The following GUCY1B1 variants were observed in gnomAD, a reference collection of about 807,000 sequenced individuals.
GUCY1B1 encodes the protein guanylate cyclase 1 soluble subunit beta 1, also known as guanylate cyclase soluble subunit beta-1.
GUCY1B1 carries 43 observed loss-of-function variants against 71.0 expected under a neutral mutation model. The ratio of observed to expected loss-of-function variants is 0.61; its 90% CI spans 0.47 to 0.78. GUCY1B1 has a LOEUF of 0.78. GUCY1B1 is among the 30% of genes least tolerant of loss of function. GUCY1B1 has a pLI of 0.00. For synonymous variants in GUCY1B1, 266 were observed against 259.7 expected (o/e 1.02, Z -0.23); for missense variants, 535 against 754.1 (o/e 0.71, Z 3.40).
At chr4:155,794,118 A>G (rs1364237290) in intron 6 of GUCY1B1, 32 bp downstream of exon 6, 1 of 1,186,924 alleles carries the variant, frequency 8.4e-7, no homozygotes, top group Middle Eastern at 1.9e-4. Context: ...TTGGGGCCTG[A>G]GACAAAAGCC....
intron 2 of GUCY1B1, among the ~76,000 whole-genome samples, chr4:155,767,980 G>A (rs1010311310): frequency 5.3e-4 from 80 of 152,124 alleles, no homozygotes; most frequent in African/African-American, 1.9e-3. Context: ...TTATCAAAAC[G>A]ACACCTACGT....
intron 7 of GUCY1B1, 96 bp downstream of exon 7, chr4:155,795,553 G>A (rs1331198313): frequency 3.2e-6 from 2 of 626,694 alleles, no homozygotes; most frequent in East Asian, 2.8e-5. Flanking sequence ...AGAAAGTATA[G>A]AGAGATAAAA....
chr4:155,786,461 C>CTTTTTTTT (rs70954058), intron 4 of GUCY1B1, among the ~76,000 whole-genome samples: 12 of 37,156 alleles, frequency 3.2e-4, no homozygotes, highest in Non-Finnish European at 4.7e-4. Context: ...TTCTTTCTTT[C>CTTTTTTTT]TTTTTTTTTT....
At chr4:155,777,153 C>T (rs1738105788) in intron 3 of GUCY1B1, among the ~76,000 whole-genome samples, 1 of 152,172 alleles carries the variant, frequency 6.6e-6, no homozygotes, top group Non-Finnish European at 1.5e-5. Context: ...GACTGCAATC[C>T]ATTACACGAG....
At chr4:155,790,576 T>C (rs1354909997) in intron 5 of GUCY1B1, among the ~76,000 whole-genome samples, 1 of 152,222 alleles carries the variant, frequency 6.6e-6, no homozygotes, top group African/African-American at 2.4e-5. Flanking sequence ...GGCTGCTTTT[T>C]ATGTGTTCAG....
At chr4:155,780,071 ACT>A (rs951377739) in intron 4 of GUCY1B1, among the ~76,000 whole-genome samples, 1 of 151,370 alleles carries the variant, frequency 6.6e-6, no homozygotes, top group African/African-American at 2.4e-5. Context: ...CCATCCTATA[ACT>A]CTAGTGCTTT....
At chr4:155,805,830 G>A (rs1481900931) in intron 13 of GUCY1B1, among the ~76,000 whole-genome samples, 1 of 152,202 alleles carries the variant, frequency 6.6e-6, no homozygotes, top group Non-Finnish European at 1.5e-5. Context: ...CAGAGCCCAT[G>A]TGCTAGAATG....
Position 155,807,461 on chromosome 4 carries a change from T to A in GUCY1B1, c.*1052T>A, listed in dbSNP as rs1166694437. 6.6e-6 allele frequency: 1 copy of A among 152,196 alleles called. No homozygotes were observed. The highest frequency in any genetic ancestry group is 1.5e-5 in the Non-Finnish European group (1 of 68,034). The allele number at this position is 152,196 out of a possible 1,614,324, so 9.4% of individuals were successfully genotyped here. ...CTTATTAATATCTATCTTTATAAAA[T>A]AGAGTGCAACTACTTTTGTGTAAAA... is the stretch of plus-strand genomic sequence containing the variant. On this transcript the variant is annotated 3_prime_UTR_variant, in exon 14 of 14. Coordinates refer to ENST00000264424, the MANE Select transcript of GUCY1B1 (RefSeq NM_000857.5).
chr4:155,759,334 G>C, intron 1 of GUCY1B1, 191 bp downstream of exon 1: 1 of 587,952 alleles, frequency 1.7e-6, no homozygotes, highest in African/African-American at 2.0e-5. Context: ...TGGCGGGGGC[G>C]ATCGGTGCCT....
chr4:155,765,380 G>A (rs766445971), intron 2 of GUCY1B1, among the ~76,000 whole-genome samples: 1 of 152,162 alleles, frequency 6.6e-6, no homozygotes, highest in Admixed American at 6.5e-5. Context: ...CAGCTCAGCA[G>A]ACGTGAGTAC....
In GUCY1B1 at chr4:155,805,157, C is replaced by G. The variant is rs780391921; in HGVS notation, c.1764C>G (p.Gly588=). The change falls in exon 13 of 14, where the codon GGC becomes GGG. Residue 588 remains glycine, a synonymous_variant. Coordinates refer to ENST00000264424, the MANE Select transcript of GUCY1B1 (RefSeq NM_000857.5). ...SDPQFHLEHR[G]PVSMKGKKEP... is the part of the protein sequence containing the mutation. ...CACAATTCCACTTGGAGCACAGAGG[C>G]CCAGTGTCCATGAAGGGCAAAAAAG... 7 of 1,611,580 alleles carry G rather than the reference C, an allele frequency of 4.3e-6. No homozygotes were observed. Among genetic ancestry groups the G allele is most frequent in the Non-Finnish European group, 5.9e-6 (7 of 1,178,202 alleles).
At chr4:155,787,056 C>A (rs1738847720) in intron 4 of GUCY1B1, among the ~76,000 whole-genome samples, 1 of 151,794 alleles carries the variant, frequency 6.6e-6, no homozygotes, top group African/African-American at 2.4e-5. Context: ...TTTTCTCACC[C>A]GATTTTCTTT....
chr4:155,773,875 G>C (rs1231761841), intron 2 of GUCY1B1, among the ~76,000 whole-genome samples: 2 of 152,158 alleles, frequency 1.3e-5, no homozygotes, highest in Admixed American at 1.3e-4. Flanking sequence ...TTTTAGCAGA[G>C]AGACGGTTTC....
intron 4 of GUCY1B1, among the ~76,000 whole-genome samples, chr4:155,783,286 A>G (rs1274342920): frequency 6.6e-6 from 1 of 152,210 alleles, no homozygotes; most frequent in African/African-American, 2.4e-5. Flanking sequence ...ATGGTATTAC[A>G]TTATTATTAC....
In GUCY1B1 at chr4:155,786,799, G is replaced by C. The variant is rs181688015; in HGVS notation, c.298-2915G>C. 3.3e-5 allele frequency among the ~76,000 whole-genome samples: 5 copies of C among 151,504 alleles called. No individual in the cohort carries two copies. The East Asian group carries it at 7.8e-4, about 24-fold the overall frequency. Reference sequence around the variant, plus strand: ...ATTTTTGTATTTTCAGTAGATGTGGGGTTTCACCATGTTGGCCAGGCTGGT... The same window carrying C: ...ATTTTTGTATTTTCAGTAGATGTGGCGTTTCACCATGTTGGCCAGGCTGGT... On this transcript the variant is annotated intron_variant, in intron 4 of 13. Transcript: ENST00000264424.
At chr4:155,771,482 T>C (rs1737691136) in intron 2 of GUCY1B1, among the ~76,000 whole-genome samples, 1 of 152,128 alleles carries the variant, frequency 6.6e-6, no homozygotes, top group South Asian at 2.1e-4. Context: ...ATAAACAGAG[T>C]TTATTACAGA....
intron 7 of GUCY1B1, 62 bp from the exon 8 acceptor site, chr4:155,796,315 G>A: frequency 4.1e-6 from 6 of 1,475,056 alleles, no homozygotes; most frequent in Non-Finnish European, 5.6e-6. Context: ...GCGTGTCCTT[G>A]TTGCTGAATT....
chr4:155,769,859 T>C (rs1250505657), intron 2 of GUCY1B1, among the ~76,000 whole-genome samples: 2 of 152,134 alleles, frequency 1.3e-5, no homozygotes, highest in African/African-American at 2.4e-5. Flanking sequence ...TTCCCTATTA[T>C]GTAATTATAT....
intron 2 of GUCY1B1, among the ~76,000 whole-genome samples, chr4:155,763,781 T>G (rs1171913837): frequency 2.6e-5 from 4 of 152,140 alleles, no homozygotes; most frequent in Admixed American, 2.6e-4. Flanking sequence ...AACTTTCCAA[T>G]CCTCCATTGC....
Sources: allele counts gnomAD v4.1 joint callset (sites outside exome capture counted in the v4.1 genomes callset), GRCh38; gene constraint gnomAD v4.1.1; transcripts MANE v1.5; gene names NCBI Gene and HGNC (gene_info 2026-07-23, HGNC 2026-07-21).